ZRANB3: variants seen among roughly 807,000 people sequenced by gnomAD.
ZRANB3 encodes zinc finger RANBP2-type containing 3.
In ZRANB3, 125 loss-of-function variants were observed where a neutral mutation model predicts 133.8. The ratio of observed to expected loss-of-function variants is 0.93; its 90% CI spans 0.81 to 1.08. The LOEUF is 1.08. Among genes scored for constraint, ZRANB3 ranks in the 50% least tolerant of loss-of-function variants. The pLI, the probability that ZRANB3 is intolerant of heterozygous loss-of-function variation, is 0.00. For synonymous variants in ZRANB3, 387 were observed against 432.7 expected (o/e 0.89, Z 1.31); for missense variants, 1,229 against 1,275.5 (o/e 0.96, Z 0.56).
At chr2:135,359,877 AT>A (rs1192138148) in intron 3 of ZRANB3, among the ~76,000 whole-genome samples, 1 of 152,066 alleles carries the variant, frequency 6.6e-6, no homozygotes, top group Admixed American at 6.6e-5. Flanking sequence ...TTTGGGTACT[AT>A]TTTTCTTAGG....
At chr2:135,464,041 A>G (rs1690879095) in intron 2 of ZRANB3, among the ~76,000 whole-genome samples, 2 of 152,166 alleles carry the variant, frequency 1.3e-5, no homozygotes, top group African/African-American at 2.4e-5. Context: ...AACAACAAAA[A>G]CAGAAAAACA....
intron 6 of ZRANB3, among the ~76,000 whole-genome samples, chr2:135,332,848 TC>T (rs1684211637): frequency 6.6e-6 from 1 of 152,208 alleles, no homozygotes; most frequent in African/African-American, 2.4e-5. Context: ...ACATCTTTCC[TC>T]AGCCCTGTTG....
intron 2 of ZRANB3, among the ~76,000 whole-genome samples, chr2:135,406,250 C>T (rs1349050405): frequency 1.3e-5 from 2 of 152,118 alleles, no homozygotes; most frequent in Non-Finnish European, 2.9e-5. Flanking sequence ...TTGACACATA[C>T]GCCCTCCCAA....
chr2:135,461,667 C>T (rs1367091585), intron 2 of ZRANB3, among the ~76,000 whole-genome samples: 1 of 152,150 alleles, frequency 6.6e-6, no homozygotes, highest in African/African-American at 2.4e-5. Context: ...AATCTAAAAT[C>T]ATGAGCTTAT....
At chr2:135,440,771 T>C (rs1337448815) in intron 2 of ZRANB3, among the ~76,000 whole-genome samples, 1 of 152,212 alleles carries the variant, frequency 6.6e-6, no homozygotes, top group Non-Finnish European at 1.5e-5. Flanking sequence ...GCCAGACTTC[T>C]AACCTACAAA....
rs114875823 is a variant in ZRANB3, at chr2:135,318,124, T to C, written c.678-2594A>G. On this transcript the variant is annotated intron_variant, in intron 6 of 20. Transcript: ENST00000264159. Reference sequence around the variant, plus strand: ...GCAGTCTGACTCCAAAGTCTTGCTTTACTAAAAGCCAACTTTTACCTAATA... The same window carrying C: ...GCAGTCTGACTCCAAAGTCTTGCTTCACTAAAAGCCAACTTTTACCTAATA... Among the ~76,000 whole-genome samples, 484 of 152,188 alleles carry C rather than the reference T, an allele frequency of 3.2e-3. 2 individuals are homozygous for C. Among genetic ancestry groups the C allele is most frequent in the African/African-American group, 0.01 (428 of 41,536 alleles).
At chr2:135,462,303 C>T (rs992522020) in intron 2 of ZRANB3, among the ~76,000 whole-genome samples, 1 of 152,092 alleles carries the variant, frequency 6.6e-6, no homozygotes, top group African/African-American at 2.4e-5. Context: ...TAAATGAAAC[C>T]CTAGGGGTCA....
At chr2:135,493,220 G>A (rs553778631) in intron 2 of ZRANB3, among the ~76,000 whole-genome samples, 3 of 136,238 alleles carry the variant, frequency 2.2e-5, no homozygotes, top group Non-Finnish European at 4.7e-5. Flanking sequence ...AACAGAAGAC[G>A]ATTTTGTAAT....
chr2:135,270,224 G>T (rs1290976298), intron 10 of ZRANB3, among the ~76,000 whole-genome samples: 1 of 152,062 alleles, frequency 6.6e-6, no homozygotes, highest in Non-Finnish European at 1.5e-5. Context: ...AAAATAAAAA[G>T]TAGTATTTAA....
chr2:135,207,019 G>A (rs1573667939), intron 19 of ZRANB3, among the ~76,000 whole-genome samples: 1 of 151,930 alleles, frequency 6.6e-6, no homozygotes, highest in Non-Finnish European at 1.5e-5. Flanking sequence ...ACAAAAATTA[G>A]CCAGGTGTGG....
chr2:135,380,308 C>T (rs141548612), intron 3 of ZRANB3, among the ~76,000 whole-genome samples: 3 of 152,056 alleles, frequency 2.0e-5, no homozygotes, highest in Admixed American at 6.5e-5. Flanking sequence ...CTGCACCAAG[C>T]GGACCTAATA....
chr2:135,288,190 T>C (rs574233895), intron 8 of ZRANB3, among the ~76,000 whole-genome samples: 13 of 152,326 alleles, frequency 8.5e-5, no homozygotes, highest in South Asian at 4.1e-4. Context: ...ATTGAGATGA[T>C]CATGTAATTT....
chr2:135,295,927 C>G (rs898293634), intron 8 of ZRANB3, among the ~76,000 whole-genome samples: 5 of 152,158 alleles, frequency 3.3e-5, no homozygotes, highest in East Asian at 1.9e-4. Flanking sequence ...CTGGCTTGTA[C>G]AGTTTCTGCT....
chr2:135,508,071 G>A lies in ZRANB3; in HGVS notation c.-7-3575C>T, dbSNP rs545693683. Reference sequence around the variant, plus strand: ...CTCCAAAAAAATCTGGTAAATTGGGGTCACTTTGCCACTTACATGATTTAT... The same window carrying A: ...CTCCAAAAAAATCTGGTAAATTGGGATCACTTTGCCACTTACATGATTTAT... On this transcript the variant is annotated intron_variant, in intron 1 of 20. Coordinates refer to ENST00000264159, the MANE Select transcript of ZRANB3 (RefSeq NM_032143.4). 1.1e-4 allele frequency among the ~76,000 whole-genome samples: 17 copies of A among 152,242 alleles called. No individual in the cohort carries two copies. The East Asian group carries it at 3.1e-3, about 28-fold the overall frequency.
At chr2:135,520,390 A>G (rs1334022885) in intron 1 of ZRANB3, among the ~76,000 whole-genome samples, 1 of 149,550 alleles carries the variant, frequency 6.7e-6, no homozygotes, top group African/African-American at 2.5e-5. Flanking sequence ...GTAAGACTCC[A>G]CCTCAAAGAG....
intron 12 of ZRANB3, among the ~76,000 whole-genome samples, chr2:135,245,840 C>G (rs1410383054): frequency 1.4e-4 from 19 of 136,498 alleles, no homozygotes; most frequent in Non-Finnish European, 2.5e-4. Context: ...GCAGGAGAAT[C>G]GCTTGAACCT....
At chr2:135,413,537 A>C (rs1688407155) in intron 2 of ZRANB3, among the ~76,000 whole-genome samples, 1 of 152,194 alleles carries the variant, frequency 6.6e-6, no homozygotes, top group East Asian at 1.9e-4. Context: ...ACAAAGTACT[A>C]TCTCTCCTCA....
chr2:135,525,414 T>C lies in ZRANB3; in HGVS notation c.-8+5713A>G, dbSNP rs1694110033. Among the ~76,000 whole-genome samples the C allele has an allele frequency of 2.0e-5, 3 of 152,214 alleles. No homozygotes were observed. The South Asian group carries it at 6.2e-4, about 31-fold the overall frequency. On this transcript the variant is annotated intron_variant, in intron 1 of 20. Coordinates refer to ENST00000264159, the MANE Select transcript of ZRANB3 (RefSeq NM_032143.4). Reference sequence around the variant, plus strand: ...CAACTTAGAAATCACAGAGTATTTGTGGCTAAAAAACCTACTTCTAAAAGG... The same window carrying C: ...CAACTTAGAAATCACAGAGTATTTGCGGCTAAAAAACCTACTTCTAAAAGG...
At chr2:135,339,403 G>GA (rs142111677) in intron 6 of ZRANB3, among the ~76,000 whole-genome samples, 287 of 144,594 alleles carry the variant, frequency 2.0e-3, no homozygotes, top group Middle Eastern at 0.01. Flanking sequence ...GACTCCATCT[G>GA]AAAAAAAAAA....
Sources: allele counts gnomAD v4.1 joint callset (sites outside exome capture counted in the v4.1 genomes callset), GRCh38; gene constraint gnomAD v4.1.1; transcripts MANE v1.5; gene names NCBI Gene and HGNC (gene_info 2026-07-23, HGNC 2026-07-21).